The following FAM107B variants were observed in gnomAD, a reference collection of about 807,000 sequenced individuals.
FAM107B encodes the protein family with sequence similarity 107 member B.
FAM107B carries 21 observed loss-of-function variants against 31.5 expected under a neutral mutation model. The ratio of observed to expected loss-of-function variants is 0.67; its 90% confidence interval spans 0.47 to 0.96. The LOEUF (loss-of-function observed/expected upper bound fraction) is 0.96, where lower values mean the gene tolerates loss of function less well. Ranked by LOEUF, FAM107B falls within the 40% of genes least tolerant of loss-of-function variation. The pLI is 0.00. For missense variants in FAM107B, 452 were observed against 377.1 expected (o/e 1.20, Z -1.64); for synonymous variants, 157 against 141.5 (o/e 1.11, Z -0.78).
intron 2 of FAM107B, chr10:14,556,437 G>A: frequency 1.0e-6 from 1 of 985,026 alleles, no homozygotes; most frequent in Non-Finnish European, 1.2e-6. Context: ...TCAGCACTCA[G>A]CATGCCAGAG....
At chr10:14,604,206 TTGTG>T (rs1294100538) in intron 2 of FAM107B, 1 of 974,140 alleles carries the variant, frequency 1.0e-6, no homozygotes, top group East Asian at 1.2e-4. Context: ...CCCCTCGTCT[TTGTG>T]TGGAAAGTAA....
At position 14,705,767 on chromosome 10, in the gene FAM107B, C is replaced by T. The variant is rs117189432; in HGVS notation, c.412-38076G>A. Among the ~76,000 whole-genome samples the T allele has an allele frequency of 2.5e-3, 376 of 152,062 alleles. 6 individuals are homozygous for T. The South Asian group carries it at 0.031, about 12-fold the overall frequency. On this transcript the variant is annotated intron_variant, in intron 1 of 4. Coordinates refer to ENST00000181796, the MANE Select transcript of FAM107B (RefSeq NM_031453.4). ...TACAGAGATTCAGTTTTTTGCAAGACGAAAGAGTTCTGGAGATGGAGGGTG... is the reference window on the plus strand; with the variant it reads ...TACAGAGATTCAGTTTTTTGCAAGATGAAAGAGTTCTGGAGATGGAGGGTG...
intron 2 of FAM107B, among the ~76,000 whole-genome samples, chr10:14,621,201 G>A (rs891259105): frequency 1.3e-5 from 2 of 152,108 alleles, no homozygotes; most frequent in Non-Finnish European, 2.9e-5. Context: ...GGGAATTTCA[G>A]GGAAGAGGCA....
At chr10:14,553,095 TTAC>T (rs1849403966) in intron 2 of FAM107B, among the ~76,000 whole-genome samples, 1 of 152,242 alleles carries the variant, frequency 6.6e-6, no homozygotes, top group Non-Finnish European at 1.5e-5. Flanking sequence ...TGGGTTAATA[TTAC>T]TGATAGTAAG....
At chr10:14,528,736 A>G (rs2130830989) in intron 3 of FAM107B, among the ~76,000 whole-genome samples, 1 of 152,336 alleles carries the variant, frequency 6.6e-6, no homozygotes. Flanking sequence ...ACAAAGACAG[A>G]CAGAATGGAA....
intron 2 of FAM107B, among the ~76,000 whole-genome samples, chr10:14,601,578 C>A (rs1251248144): frequency 6.6e-6 from 1 of 152,130 alleles, no homozygotes; most frequent in Non-Finnish European, 1.5e-5. Context: ...CTTTCCCACC[C>A]CCGAGTGTGC....
At chr10:14,572,521 T>G in intron 2 of FAM107B, 1 of 494,284 alleles carries the variant, frequency 2.0e-6, no homozygotes. Context: ...CACAGCCCAC[T>G]TTATAAAATG....
At chr10:14,549,951 C>T (rs190164204) in intron 2 of FAM107B, among the ~76,000 whole-genome samples, 1 of 152,288 alleles carries the variant, frequency 6.6e-6, no homozygotes, top group East Asian at 1.9e-4. Context: ...CTGGTAAATA[C>T]CCAGACATCG....
At chr10:14,573,334 T>C (rs1851349908) in intron 2 of FAM107B, among the ~76,000 whole-genome samples, 1 of 152,144 alleles carries the variant, frequency 6.6e-6, no homozygotes, top group Non-Finnish European at 1.5e-5. Flanking sequence ...CCCCTTCCTC[T>C]TTTGCCCTTC....
At chr10:14,584,764 C>T (rs1261292537) in intron 2 of FAM107B, among the ~76,000 whole-genome samples, 1 of 152,110 alleles carries the variant, frequency 6.6e-6, no homozygotes, top group Non-Finnish European at 1.5e-5. Context: ...ACAAAAGGAC[C>T]GGAGGCCACT....
chr10:14,599,528 C>A (rs1313690841), intron 2 of FAM107B, among the ~76,000 whole-genome samples: 2 of 152,144 alleles, frequency 1.3e-5, no homozygotes, highest in East Asian at 3.8e-4. Context: ...GTAGGCTAGG[C>A]CTGGGGGCTC....
intron 1 of FAM107B, among the ~76,000 whole-genome samples, chr10:14,705,442 C>G (rs1855497376): frequency 2.0e-5 from 3 of 152,012 alleles, no homozygotes; most frequent in African/African-American, 7.3e-5. Context: ...TCTACAATAG[C>G]CAAAGGTGTG....
chr10:14,534,358 C>T (rs183705409), intron 2 of FAM107B, among the ~76,000 whole-genome samples: 1 of 152,204 alleles, frequency 6.6e-6, no homozygotes, highest in East Asian at 1.9e-4. Context: ...CCAGCTGCTT[C>T]TCAGTGACAC....
At chr10:14,586,465 G>C (rs1287562872) in intron 2 of FAM107B, among the ~76,000 whole-genome samples, 2 of 152,138 alleles carry the variant, frequency 1.3e-5, no homozygotes, top group African/African-American at 4.8e-5. Flanking sequence ...ATCCCAACGT[G>C]ATGATATTTG....
chr10:14,548,636 G>A (rs1460308653), intron 2 of FAM107B: 2 of 985,468 alleles, frequency 2.0e-6, no homozygotes, highest in Non-Finnish European at 1.2e-6. Flanking sequence ...CTCTCCAGCT[G>A]CGAAGGCAGG....
At chr10:14,613,011 G>A (rs917916298) in intron 2 of FAM107B, among the ~76,000 whole-genome samples, 2 of 151,820 alleles carry the variant, frequency 1.3e-5, no homozygotes, top group Non-Finnish European at 2.9e-5. Flanking sequence ...TCACTCTGTC[G>A]CTCAGGCTAG....
intron 2 of FAM107B, among the ~76,000 whole-genome samples, chr10:14,606,831 A>C (rs10906713): frequency 0.24 from 36,155 of 151,978 alleles, 4,914 homozygotes; most frequent in East Asian, 0.4. Context: ...CCAGAAACCA[A>C]CCCTACTGCC....
At chr10:14,737,303 G>T (rs1554754639) in intron 1 of FAM107B, among the ~76,000 whole-genome samples, 1 of 151,674 alleles carries the variant, frequency 6.6e-6, no homozygotes. Flanking sequence ...GAGAAGAAGG[G>T]AAAAAAGCAT....
intron 1 of FAM107B, among the ~76,000 whole-genome samples, chr10:14,697,124 G>C (rs1165006373): frequency 6.6e-6 from 1 of 152,222 alleles, no homozygotes; most frequent in South Asian, 2.1e-4. Context: ...TGGGGAGCCA[G>C]TTCTGTGCTT....
Sources: allele counts gnomAD v4.1 joint callset (sites outside exome capture counted in the v4.1 genomes callset), GRCh38; gene constraint gnomAD v4.1.1; transcripts MANE v1.5; gene names NCBI Gene and HGNC (gene_info 2026-07-23, HGNC 2026-07-21).